Variants in PARD3B observed in about 807,000 individuals in gnomAD.
PARD3B encodes the protein par-3 family cell polarity regulator beta.
Under a neutral mutation model 130.2 loss-of-function variants are expected in PARD3B, and 103 were observed. The ratio of observed to expected loss-of-function variants is 0.79; its 90% CI spans 0.67 to 0.93. The LOEUF is 0.93. Ranked by LOEUF, PARD3B falls within the 40% of genes least tolerant of loss-of-function variation. PARD3B has a pLI of 0.00. For missense variants in PARD3B, 1,609 were observed against 1,499.2 expected (o/e 1.07, Z -1.21); for synonymous variants, 583 against 553.2 (o/e 1.05, Z -0.76).
chr2:205,579,404 C>A (rs2053882459), intron 22 of PARD3B, among the ~76,000 whole-genome samples: 1 of 152,122 alleles, frequency 6.6e-6, no homozygotes, highest in South Asian at 2.1e-4. Flanking sequence ...TTTGAGAATT[C>A]TAATAAACAA....
At chr2:205,510,650 C>T (rs1212914157) in intron 21 of PARD3B, among the ~76,000 whole-genome samples, 1 of 152,164 alleles carries the variant, frequency 6.6e-6, no homozygotes, top group African/African-American at 2.4e-5. Context: ...AATCAAAGAC[C>T]AGAAGAAAGT....
At chr2:205,313,910 G>A (rs898564483) in intron 18 of PARD3B, among the ~76,000 whole-genome samples, 3 of 152,160 alleles carry the variant, frequency 2.0e-5, no homozygotes, top group African/African-American at 7.2e-5. Flanking sequence ...GCTTATTTAA[G>A]ATGCTGGATT....
At position 204,662,605 on chromosome 2, in the gene PARD3B, A is replaced by T. The variant is rs112703760; in HGVS notation, c.121-23576A>T. Among the ~76,000 whole-genome samples, 74 of 152,316 alleles carry T rather than the reference A, an allele frequency of 4.9e-4. 1 individual carries two copies. Among genetic ancestry groups the T allele is most frequent in the Middle Eastern group, 3.4e-3 (1 of 294 alleles). On this transcript the variant is annotated intron_variant, in intron 1 of 22. Coordinates refer to ENST00000406610, the MANE Select transcript of PARD3B (RefSeq NM_001302769.2). ...GTGTACTTCCTATTTTGTCACATAG[A>T]ATATTAAAGATACGTAAGTTCAAGG... is the stretch of plus-strand genomic sequence containing the variant.
At chr2:205,498,524 G>T (rs534897640) in intron 20 of PARD3B, among the ~76,000 whole-genome samples, 1 of 152,004 alleles carries the variant, frequency 6.6e-6, no homozygotes, top group African/African-American at 2.4e-5. Flanking sequence ...GAACTTTAAA[G>T]TCACCAGAAC....
intron 10 of PARD3B, among the ~76,000 whole-genome samples, chr2:205,133,129 A>G (rs1170467651): frequency 1.3e-5 from 2 of 152,188 alleles, no homozygotes; most frequent in East Asian, 3.8e-4. Flanking sequence ...GCTGCGTGCC[A>G]CAATGAGGGT....
intron 4 of PARD3B, among the ~76,000 whole-genome samples, chr2:205,066,550 T>C (rs904158004): frequency 6.6e-6 from 1 of 152,178 alleles, no homozygotes; most frequent in Non-Finnish European, 1.5e-5. Flanking sequence ...GACTGAATTG[T>C]GTGGTCTTGG....
Position 205,473,735 on chromosome 2 carries a change from AATATATAT to A in PARD3B, c.3045-26147_3045-26140del, listed in dbSNP as rs10564722. 3.2e-5 allele frequency among the ~76,000 whole-genome samples: 4 copies of A among 125,736 alleles called. No individual in the cohort carries two copies. The highest frequency in any genetic ancestry group is 4.6e-4 in the East Asian group (2 of 4,394). 82.5% of individuals were successfully genotyped at this position (125,736 alleles called of 152,430 possible). ...ACACACACACGTATATAAAACCCTA[AATATATAT>A]ATATATATATATAACCTTAAATATA... On this transcript the variant is annotated intron_variant, in intron 20 of 22. Transcript: ENST00000406610. This position sits in a 1 kb window ranked among gnomAD's most constrained non-coding sequence, Gnocchi z 4.9.
intron 1 of PARD3B, among the ~76,000 whole-genome samples, chr2:204,552,101 A>G (rs528764404): frequency 1.2e-4 from 18 of 152,310 alleles, no homozygotes; most frequent in South Asian, 6.2e-4. Flanking sequence ...TTCAGATCCA[A>G]TGCTCTTCTG....
chr2:204,674,653 A>G (rs1049110683), intron 1 of PARD3B, among the ~76,000 whole-genome samples: 1 of 152,170 alleles, frequency 6.6e-6, no homozygotes, highest in African/African-American at 2.4e-5. Flanking sequence ...CTTCTGCAAT[A>G]AATTAAAATT....
intron 2 of PARD3B, among the ~76,000 whole-genome samples, chr2:204,715,307 A>G (rs1429551195): frequency 1.3e-5 from 2 of 152,166 alleles, no homozygotes; most frequent in Admixed American, 6.5e-5. Flanking sequence ...GATTCTGACA[A>G]ATTTTAAGAG....
At chr2:204,747,681 T>C (rs902153070) in intron 2 of PARD3B, among the ~76,000 whole-genome samples, 1 of 152,016 alleles carries the variant, frequency 6.6e-6, no homozygotes, top group Admixed American at 6.6e-5. Flanking sequence ...CAAACTATAC[T>C]ACAAGGCTAC....
intron 10 of PARD3B, among the ~76,000 whole-genome samples, chr2:205,153,885 A>C (rs1335731885): frequency 2.0e-5 from 3 of 152,254 alleles, no homozygotes; most frequent in African/African-American, 7.2e-5. Context: ...CATCTTGTAC[A>C]AAAATTAATT....
At chr2:204,688,491 A>G (rs2037193985) in intron 2 of PARD3B, among the ~76,000 whole-genome samples, 1 of 151,332 alleles carries the variant, frequency 6.6e-6, no homozygotes, top group African/African-American at 2.4e-5. Context: ...GAGGCACGAG[A>G]ATCAATTCAA....
Position 205,160,003 on chromosome 2 carries a change from G to A in PARD3B, c.1620+1096G>A, listed in dbSNP as rs1406252152. Among the ~76,000 whole-genome samples the A allele has an allele frequency of 2.6e-5, 4 of 152,118 alleles. No individual in the cohort carries two copies. Among genetic ancestry groups the A allele is most frequent in the African/African-American group, 7.2e-5 (3 of 41,410 alleles). On this transcript the variant is annotated intron_variant, in intron 11 of 22. Transcript: ENST00000406610. The surrounding 1 kb of genome is among the most constrained non-coding windows in gnomAD (Gnocchi z 4.0). ...CCCACAGCAAAGCCAAGAAGGCCCC[G>A]TTACACTCAACAGAGCACCCCTGCA...
intron 19 of PARD3B, among the ~76,000 whole-genome samples, chr2:205,431,151 A>G (rs2047318222): frequency 6.6e-6 from 1 of 152,256 alleles, no homozygotes; most frequent in African/African-American, 2.4e-5. Context: ...ATCTTGGCTC[A>G]CTGCAACCTC....
intron 1 of PARD3B, among the ~76,000 whole-genome samples, chr2:204,598,970 A>G (rs2033403741): frequency 6.6e-6 from 1 of 152,018 alleles, no homozygotes; most frequent in African/African-American, 2.4e-5. Context: ...TTCCCATTTA[A>G]AAGACATTAC....
chr2:204,676,224 T>C (rs541587956), intron 1 of PARD3B, among the ~76,000 whole-genome samples: 8 of 152,094 alleles, frequency 5.3e-5, no homozygotes, highest in Non-Finnish European at 2.9e-5. Flanking sequence ...TCTCAGGCTT[T>C]TTTTTCCCCC....
chr2:204,913,463 G>T (rs1490812016), intron 2 of PARD3B, among the ~76,000 whole-genome samples: 1 of 152,152 alleles, frequency 6.6e-6, no homozygotes. Context: ...GTTCCCAAAT[G>T]AGCTGTAGTA....
At position 205,146,870 on chromosome 2, in the gene PARD3B, G is replaced by A. The variant is rs935455816; in HGVS notation, c.1435-11852G>A. On this transcript the variant is annotated intron_variant, in intron 10 of 22. Transcript: ENST00000406610. This position sits in a 1 kb window ranked among gnomAD's most constrained non-coding sequence, Gnocchi z 4.3. ...AGCTTCCTGAGTAGCTGGGATTATAGGACCCGGCTAATTTTTTGTATTTTT... is the reference window on the plus strand; with the variant it reads ...AGCTTCCTGAGTAGCTGGGATTATAAGACCCGGCTAATTTTTTGTATTTTT... Among the ~76,000 whole-genome samples, 6 of 151,788 alleles carry A rather than the reference G, an allele frequency of 4.0e-5. No individual in the cohort carries two copies. The highest frequency in any genetic ancestry group is 2.0e-4 in the Admixed American group (3 of 15,242).
Sources: allele counts gnomAD v4.1 joint callset (sites outside exome capture counted in the v4.1 genomes callset), GRCh38; gene constraint gnomAD v4.1.1; non-coding constraint Gnocchi (gnomAD v3.1); transcripts MANE v1.5; gene names NCBI Gene and HGNC (gene_info 2026-07-23, HGNC 2026-07-21).